Variants in SHROOM2 observed in about 807,000 individuals in gnomAD.
The protein encoded by SHROOM2 is protein Shroom2.
A neutral mutation model predicts 75.9 loss-of-function variants in SHROOM2; 33 were observed. That is an observed-to-expected ratio of 0.43 (90% confidence interval 0.33 to 0.58). The LOEUF (loss-of-function observed/expected upper bound fraction) is 0.58. Ranked by LOEUF, SHROOM2 falls within the 20% of genes least tolerant of loss-of-function variation. The probability of loss-of-function intolerance (pLI) is 0.04; values close to 1 mark genes in which losing one functional copy is unlikely to be tolerated. For synonymous variants in SHROOM2, 655 were observed against 663.6 expected (o/e 0.99, Z 0.20); for missense variants, 1,434 against 1,461.2 (o/e 0.98, Z 0.30).
intron 1 of SHROOM2, among the ~76,000 whole-genome samples, chrX:9,815,232 G>T (rs764356692): frequency 4.5e-5 from 5 of 111,199 alleles, no homozygotes; most frequent in Non-Finnish European, 7.5e-5. Flanking sequence ...TTATGCCAAG[G>T]ACTATCAGTG....
intron 1 of SHROOM2, among the ~76,000 whole-genome samples, chrX:9,811,112 G>A (rs2083789419): frequency 8.9e-6 from 1 of 112,117 alleles, no homozygotes; most frequent in African/African-American, 3.2e-5. Context: ...ACAACCCTCT[G>A]CCCTTGCCAT....
At chrX:9,836,484 TTCTC>T (rs200921022) in intron 1 of SHROOM2, among the ~76,000 whole-genome samples, 5 of 105,621 alleles carry the variant, frequency 4.7e-5, no homozygotes, top group Admixed American at 1.0e-4. Context: ...ACCCCCCAGC[TTCTC>T]TCTCTCTCTC....
At chrX:9,833,608 C>G (rs1288804490) in intron 1 of SHROOM2, among the ~76,000 whole-genome samples, 1 of 95,358 alleles carries the variant, frequency 1.0e-5, no homozygotes. Context: ...CAAGTAGACT[C>G]TGTGTGTGTG....
rs1037154959 is a variant in SHROOM2 at position 9,786,543 on chromosome X, G to C, written c.-3G>C. 5.3e-5 allele frequency: 45 copies of C among 846,846 alleles called. No individual in the cohort carries two copies. The African/African-American group carries it at 9.4e-4, about 18-fold the overall frequency. 69.8% of individuals were successfully genotyped at this position (846,846 alleles called of 1,213,427 possible). The stretch of plus-strand genomic sequence containing the variant: ...CGGGCCAGGGACGCTGAGCGGTCGC[G>C]CCATGGAGGGCGCCGAGCCCCGCGC... On this transcript the variant is annotated 5_prime_UTR_variant, in exon 1 of 10. Transcript: ENST00000380913.
intron 1 of SHROOM2, among the ~76,000 whole-genome samples, chrX:9,836,000 G>A (rs1007662220): frequency 5.3e-5 from 6 of 112,299 alleles, no homozygotes; most frequent in Non-Finnish European, 1.1e-4. Flanking sequence ...CTGAGCAGCT[G>A]AGCCTGGAAG....
At chrX:9,873,580 G>T (rs113195924) in intron 1 of SHROOM2, 72 bp from the exon 2 acceptor site, 3 of 1,146,511 alleles carry the variant, frequency 2.6e-6, no homozygotes, top group Non-Finnish European at 3.6e-6. Flanking sequence ...TGTCTGCTGC[G>T]TTCCGAGGAC....
intron 1 of SHROOM2, among the ~76,000 whole-genome samples, chrX:9,870,366 A>G (rs2084164968): frequency 8.9e-6 from 1 of 112,128 alleles, no homozygotes; most frequent in Non-Finnish European, 1.9e-5. Context: ...TTGCTTTACT[A>G]CGTAAAATGT....
chrX:9,875,258 G>T (rs2084194264), intron 2 of SHROOM2, among the ~76,000 whole-genome samples: 1 of 108,572 alleles, frequency 9.2e-6, no homozygotes, highest in Non-Finnish European at 1.9e-5. Flanking sequence ...ATTGGGGAGG[G>T]TGGGGCACAA....
chrX:9,926,505 T>C (rs2084595538), intron 5 of SHROOM2, among the ~76,000 whole-genome samples: 1 of 111,603 alleles, frequency 9.0e-6, no homozygotes, highest in African/African-American at 3.2e-5. Flanking sequence ...GCCATTGCCG[T>C]GCTGCTTACT....
intron 5 of SHROOM2, among the ~76,000 whole-genome samples, chrX:9,922,394 A>AC (rs1569170618): frequency 2.1e-4 from 23 of 111,024 alleles, no homozygotes; most frequent in African/African-American, 7.2e-4. Flanking sequence ...TAATCAAAAC[A>AC]GTAAGTTCCA....
Position 9,829,537 on chromosome X carries a change from G to A in SHROOM2, c.165+42827G>A, listed in dbSNP as rs192020927. On this transcript the variant is annotated intron_variant, in intron 1 of 9. Coordinates refer to ENST00000380913, the MANE Select transcript of SHROOM2 (RefSeq NM_001649.4). ...TCATGATGGGGGCCGCTGTTGATCC[G>A]TACACACTCCGATTCCTTTTCAGCC... is the stretch of plus-strand genomic sequence containing the variant. 2.3e-3 allele frequency among the ~76,000 whole-genome samples: 258 copies of A among 111,983 alleles called. 1 individual carries two copies. The highest frequency in any genetic ancestry group is 7.9e-3 in the African/African-American group (245 of 30,845).
At chrX:9,907,014 C>T (rs1299013840) in intron 5 of SHROOM2, among the ~76,000 whole-genome samples, 1 of 111,021 alleles carries the variant, frequency 9.0e-6, no homozygotes, top group Non-Finnish European at 1.9e-5. Flanking sequence ...GGCTAGATTC[C>T]AGCCCTTGCT....
chrX:9,901,766 A>G (rs2084366465), intron 5 of SHROOM2, among the ~76,000 whole-genome samples: 1 of 112,059 alleles, frequency 8.9e-6, no homozygotes, highest in African/African-American at 3.2e-5. Context: ...CACATCACGG[A>G]TGTATTTGTA....
intron 5 of SHROOM2, among the ~76,000 whole-genome samples, chrX:9,925,245 CG>C (rs1414605212): frequency 8.9e-6 from 1 of 111,755 alleles, no homozygotes; most frequent in Non-Finnish European, 1.9e-5. Context: ...GGTACTCGTT[CG>C]GGAGACTTGT....
intron 5 of SHROOM2, among the ~76,000 whole-genome samples, chrX:9,913,983 C>A (rs113339810): frequency 2.7e-5 from 3 of 110,743 alleles, no homozygotes; most frequent in African/African-American, 9.9e-5. Flanking sequence ...AGGCACATTT[C>A]TTTCTTTTGT....
chrX:9,836,819 T>C (rs752608912), intron 1 of SHROOM2, among the ~76,000 whole-genome samples: 50 of 111,351 alleles, frequency 4.5e-4, no homozygotes, highest in African/African-American at 1.5e-3. Flanking sequence ...ATGATTCAAT[T>C]TTAGATCCTT....
intron 5 of SHROOM2, among the ~76,000 whole-genome samples, chrX:9,929,279 G>A (rs1256029802): frequency 8.9e-6 from 1 of 111,795 alleles, no homozygotes; most frequent in East Asian, 2.8e-4. Context: ...TTTGCAAGGT[G>A]GGGGTGGGGG....
At chrX:9,800,228 C>T (rs1158312901) in intron 1 of SHROOM2, among the ~76,000 whole-genome samples, 2 of 112,004 alleles carry the variant, frequency 1.8e-5, no homozygotes, top group Non-Finnish European at 3.8e-5. Context: ...CTCCAGTAGT[C>T]GGTGTGCCAA....
chrX:9,865,903 G>A (rs2084134744), intron 1 of SHROOM2, among the ~76,000 whole-genome samples: 1 of 109,415 alleles, frequency 9.1e-6, no homozygotes, highest in Non-Finnish European at 1.9e-5. Context: ...TGCAGAAGCA[G>A]GTTGAGCCGA....
Sources: allele counts gnomAD v4.1 joint callset (sites outside exome capture counted in the v4.1 genomes callset), GRCh38; gene constraint gnomAD v4.1.1; transcripts MANE v1.5; gene names NCBI Gene and HGNC (gene_info 2026-07-23, HGNC 2026-07-21).